The following TNFAIP8L3 variants were observed in gnomAD, a reference collection of about 807,000 sequenced individuals.
TNFAIP8L3 encodes the protein TNF alpha induced protein 8 like 3.
Under a neutral mutation model 11.8 loss-of-function variants are expected in TNFAIP8L3, and 7 were observed. That is an observed-to-expected ratio of 0.59 (90% CI 0.34 to 1.11). The LOEUF (loss-of-function observed/expected upper bound fraction) is 1.11. Ranked by LOEUF, TNFAIP8L3 falls within the 50% of genes most tolerant of loss-of-function variation. The probability of loss-of-function intolerance (pLI) is 0.03; values close to 1 mark genes in which losing one functional copy is unlikely to be tolerated. For missense variants in TNFAIP8L3, 219 were observed against 258.6 expected, an observed-to-expected ratio of 0.85 and a Z score of 1.05; for synonymous variants, 98 against 103.8, an observed-to-expected ratio of 0.94 and a Z score of 0.34.
At chr15:51,088,416 C>A (rs1158895559) in intron 1 of TNFAIP8L3, among the ~76,000 whole-genome samples, 2 of 152,172 alleles carry the variant, frequency 1.3e-5, no homozygotes, top group African/African-American at 4.8e-5. Context: ...AATCCTGCAC[C>A]AATTACTGCT....
At chr15:51,096,866 G>A (rs2140984693), upstream of TNFAIP8L3, among the ~76,000 whole-genome samples, 1 of 145,106 alleles carries the variant, frequency 6.9e-6, no homozygotes, top group Non-Finnish European at 1.5e-5. Context: ...ACTCCAGCCT[G>A]GGCAACAAGA....
At position 51,093,010 on chromosome 15, in the gene TNFAIP8L3, C is replaced by CT. The variant is rs1265805040; in HGVS notation, c.52+1533dup. ...AGTTAAGCGTCAGGGTCAATGTCCC[C>CT]TTCCCGCTTGCGCTCTCGAAATAGA... On this transcript the variant is annotated intron_variant, in intron 1 of 1. Coordinates refer to ENST00000637513, the MANE Select transcript of TNFAIP8L3 (RefSeq NM_001311175.2). Among the ~76,000 whole-genome samples, 2 of 152,328 alleles carry CT rather than the reference C, an allele frequency of 1.3e-5. 1 individual carries two copies. Among genetic ancestry groups the CT allele is most frequent in the South Asian group, 4.1e-4 (2 of 4,826 alleles).
chr15:51,088,460 TG>T (rs774007002), intron 1 of TNFAIP8L3, among the ~76,000 whole-genome samples: 33 of 152,266 alleles, frequency 2.2e-4, no homozygotes, highest in Non-Finnish European at 4.0e-4. Flanking sequence ...CAGTTTGAGG[TG>T]GGTTTTCTCT....
intron 1 of TNFAIP8L3, among the ~76,000 whole-genome samples, chr15:51,067,361 T>A (rs987810790): frequency 1.3e-5 from 2 of 151,934 alleles, no homozygotes; most frequent in African/African-American, 4.8e-5. Context: ...AGTCCTGAGG[T>A]CTCCCAAATT....
At chr15:51,066,279 C>A (rs1280394229) in intron 1 of TNFAIP8L3, among the ~76,000 whole-genome samples, 1 of 151,894 alleles carries the variant, frequency 6.6e-6, no homozygotes, top group African/African-American at 2.4e-5. Context: ...TCTCCTGCCT[C>A]CGCCTCCCGA....
In TNFAIP8L3 at chr15:51,058,167, T is replaced by C. The variant is rs1343473846; in HGVS notation, c.329A>G (p.Lys110Arg). 1.9e-6 allele frequency: 3 copies of C among 1,614,134 alleles called. No individual in the cohort carries two copies. The African/African-American group carries it at 4.0e-5, about 22-fold the overall frequency. ...GGTCATGGCGGTCTGGTTCAGCTTC[T>C]TCCGGAACTTCTCCACAATAACCAG... ...EELVIVEKFR[K>R]KLNQTAMTIV... Residue 110 changes from lysine (K) to arginine (R), a missense_variant, in exon 2 of 2, where the codon AAG becomes AGG. Physicochemically the swap from Lys to Arg is conservative, Grantham distance 26. Coordinates refer to ENST00000637513, the MANE Select transcript of TNFAIP8L3 (RefSeq NM_001311175.2).
intron 1 of TNFAIP8L3, among the ~76,000 whole-genome samples, chr15:51,082,313 GGTATTT>G (rs1199508380): frequency 1.3e-5 from 2 of 152,060 alleles, no homozygotes; most frequent in Admixed American, 6.5e-5. Context: ...GTAACACAAT[GGTATTT>G]GTATATCTAA....
intron 1 of TNFAIP8L3, among the ~76,000 whole-genome samples, chr15:51,068,789 C>G (rs1468726350): frequency 1.3e-5 from 2 of 151,780 alleles, no homozygotes; most frequent in African/African-American, 4.8e-5. Flanking sequence ...GCCTCAGCCT[C>G]CCGAGTAAGC....
rs1327993122 is a variant in TNFAIP8L3, at chr15:51,094,764, C to G, written c.-169G>C. 1 of 782,436 alleles carries G rather than the reference C, an allele frequency of 1.3e-6. No homozygotes were observed. 48.5% of individuals were successfully genotyped at this position (782,436 alleles called of 1,614,324 possible). ...CGGCCAGGGGGCGGCTCCGCAGAGG[C>G]GAGCGCCGCCGCGCCCCGCTCCCCG... On this transcript the variant is annotated 5_prime_UTR_variant, in exon 1 of 2. Transcript: ENST00000637513. The surrounding 1 kb of genome is among the most constrained non-coding windows in gnomAD (Gnocchi z 4.4).
rs1274073095 is a variant in TNFAIP8L3 at position 51,057,634 on chromosome 15, T to C, written c.*247A>G. The C allele has an allele frequency of 2.4e-6, 1 of 419,108 alleles. No homozygotes were observed. The allele number at this position is 419,108 out of a possible 1,614,324, so 26.0% of individuals were successfully genotyped here. On this transcript the variant is annotated 3_prime_UTR_variant, in exon 2 of 2. Coordinates refer to ENST00000637513, the MANE Select transcript of TNFAIP8L3 (RefSeq NM_001311175.2). ...ACTGTAATGAACAAAACAGCCTTTC[T>C]GCTTAGAATAGATGAAATGTCCTTT...
chr15:51,104,332 A>G (rs1448929072), intron 1 of TNFAIP8L3, among the ~76,000 whole-genome samples: 1 of 151,978 alleles, frequency 6.6e-6, no homozygotes, highest in Non-Finnish European at 1.5e-5. Context: ...ATCCAGCTAC[A>G]CCCAAGCCAG....
chr15:51,086,909 G>T (rs1350430390), intron 1 of TNFAIP8L3, among the ~76,000 whole-genome samples: 7 of 148,504 alleles, frequency 4.7e-5, no homozygotes, highest in Admixed American at 1.3e-4. Flanking sequence ...TTTTTTTTTG[G>T]AGTCAGAGTC....
At chr15:51,071,747 C>T (rs2065310510) in intron 1 of TNFAIP8L3, among the ~76,000 whole-genome samples, 1 of 152,218 alleles carries the variant, frequency 6.6e-6, no homozygotes, top group African/African-American at 2.4e-5. Flanking sequence ...CAAGGGCTGC[C>T]AATGGCTCTC....
chr15:51,059,450 A>G (rs1162529348), intron 1 of TNFAIP8L3, among the ~76,000 whole-genome samples: 1 of 152,172 alleles, frequency 6.6e-6, no homozygotes, highest in Non-Finnish European at 1.5e-5. Flanking sequence ...CTTACAATTG[A>G]TGGTGTTTTG....
intron 1 of TNFAIP8L3, among the ~76,000 whole-genome samples, chr15:51,089,137 G>C (rs1269023637): frequency 6.6e-6 from 1 of 152,022 alleles, no homozygotes; most frequent in Non-Finnish European, 1.5e-5. Flanking sequence ...TTAATTCCAA[G>C]AGAAGTCCCA....
At chr15:51,058,976 A>C in intron 1 of TNFAIP8L3, among the ~76,000 whole-genome samples, 1 of 152,272 alleles carries the variant, frequency 6.6e-6, no homozygotes, top group East Asian at 1.9e-4. Context: ...TGCTTTTGAA[A>C]TATTGAAAAT....
chr15:51,062,803 G>A (rs1460311732), intron 1 of TNFAIP8L3, among the ~76,000 whole-genome samples: 1 of 152,154 alleles, frequency 6.6e-6, no homozygotes, highest in African/African-American at 2.4e-5. Context: ...GGTGTGGTAG[G>A]CAGACTAATG....
At chr15:51,092,568 A>G (rs1054976444) in intron 1 of TNFAIP8L3, among the ~76,000 whole-genome samples, 8 of 152,240 alleles carry the variant, frequency 5.3e-5, no homozygotes, top group Admixed American at 4.6e-4. Context: ...ATTCAAGCAC[A>G]CGCAGAAAGA....
At chr15:51,080,513 C>T (rs1490299751) in intron 1 of TNFAIP8L3, among the ~76,000 whole-genome samples, 1 of 152,114 alleles carries the variant, frequency 6.6e-6, no homozygotes, top group South Asian at 2.1e-4. Flanking sequence ...ATCCTGGGTC[C>T]TCCCTTCACT....
Sources: gnomAD v4.1 joint callset for allele counts (sites outside exome capture counted in the v4.1 genomes callset) on GRCh38, gnomAD v4.1.1 for gene constraint, Gnocchi (gnomAD v3.1) non-coding constraint, MANE v1.5 for transcripts, NCBI Gene and HGNC (gene_info 2026-07-23, HGNC 2026-07-21) for gene names.